XIRP2: variants seen among roughly 807,000 people sequenced by gnomAD.
XIRP2 encodes the protein xin actin-binding repeat-containing protein 2.
A neutral mutation model predicts 277.0 loss-of-function variants in XIRP2; 236 were observed. That is an observed-to-expected ratio of 0.85 (90% CI 0.77 to 0.95). XIRP2 has a LOEUF of 0.95. Ranked by LOEUF, XIRP2 falls within the 40% of genes least tolerant of loss-of-function variation. The pLI, the probability that XIRP2 is intolerant of heterozygous loss-of-function variation, is 0.00. For missense variants in XIRP2, 4,640 were observed against 4,157.5 expected, an observed-to-expected ratio of 1.12 and a Z score of -3.19; for synonymous variants, 1,490 against 1,416.5, an observed-to-expected ratio of 1.05 and a Z score of -1.17.
At chr2:166,967,996 G>T (rs1329453289) in intron 2 of XIRP2, among the ~76,000 whole-genome samples, 1 of 151,866 alleles carries the variant, frequency 6.6e-6, no homozygotes, top group Admixed American at 6.6e-5. Flanking sequence ...AGAAATAAGG[G>T]TAATCTGATG....
At chr2:167,076,465 A>G (rs1689575974) in intron 2 of XIRP2, among the ~76,000 whole-genome samples, 1 of 152,256 alleles carries the variant, frequency 6.6e-6, no homozygotes, top group South Asian at 2.1e-4. Flanking sequence ...AGAGGATAAG[A>G]AAATGAACTT....
At chr2:167,230,138 C>G (rs1247268857) in intron 5 of XIRP2, among the ~76,000 whole-genome samples, 1 of 152,034 alleles carries the variant, frequency 6.6e-6, no homozygotes, top group Non-Finnish European at 1.5e-5. Flanking sequence ...GATATTGGTA[C>G]AACATTCTGT....
In XIRP2 at chr2:167,246,873, A is replaced by C; in HGVS notation, c.5481A>C (p.Thr1827=). ...VKVFMTEPQS[T]FGKIPKEEII... is the part of the protein sequence containing the mutation. ...TTTTTATGACCGAGCCTCAGAGTAC[A>C]TTTGGTAAGATACCCAAAGAAGAGA... Residue 1827 remains threonine (T), a synonymous_variant, in exon 9 of 11, where the codon ACA becomes ACC. Coordinates refer to ENST00000409195, the MANE Select transcript of XIRP2 (RefSeq NM_152381.6). 1 of 1,613,730 alleles carries C rather than the reference A, an allele frequency of 6.2e-7. No homozygotes were observed. The highest frequency in any genetic ancestry group is 8.5e-7 in the Non-Finnish European group (1 of 1,179,816).
chr2:167,175,107 C>T (rs1435500870), intron 3 of XIRP2, among the ~76,000 whole-genome samples: 1 of 152,002 alleles, frequency 6.6e-6, no homozygotes, highest in African/African-American at 2.4e-5. Flanking sequence ...CTGCTTTGTC[C>T]AGAGCTGAGT....
chr2:167,031,459 G>A (rs959975175), intron 2 of XIRP2, among the ~76,000 whole-genome samples: 2 of 152,024 alleles, frequency 1.3e-5, no homozygotes, highest in Non-Finnish European at 2.9e-5. Flanking sequence ...ATGAAGCTTA[G>A]TTTCGCTGGA....
chr2:167,041,574 C>T (rs1408114602), intron 2 of XIRP2, among the ~76,000 whole-genome samples: 1 of 152,090 alleles, frequency 6.6e-6, no homozygotes, highest in Non-Finnish European at 1.5e-5. Context: ...AAGAAAGAAC[C>T]TCAGAGCTTA....
At chr2:167,222,753 T>A (rs1694469967) in intron 5 of XIRP2, among the ~76,000 whole-genome samples, 1 of 152,180 alleles carries the variant, frequency 6.6e-6, no homozygotes, top group African/African-American at 2.4e-5. Flanking sequence ...GAACAGATAT[T>A]AGAATAAATT....
intron 2 of XIRP2, among the ~76,000 whole-genome samples, chr2:167,077,395 A>C (rs1031917437): frequency 6.6e-6 from 1 of 152,064 alleles, no homozygotes; most frequent in African/African-American, 2.4e-5. Context: ...AGAACCTATT[A>C]TGTGGCAGCC....
chr2:167,013,209 G>A (rs1167103349), intron 2 of XIRP2, among the ~76,000 whole-genome samples: 2 of 151,058 alleles, frequency 1.3e-5, no homozygotes, highest in East Asian at 3.9e-4. Context: ...ACCTGTACAA[G>A]GACTTTCATG....
At chr2:166,982,340 G>A (rs185691461) in intron 2 of XIRP2, among the ~76,000 whole-genome samples, 48 of 145,554 alleles carry the variant, frequency 3.3e-4, no homozygotes, top group Non-Finnish European at 5.8e-4. Flanking sequence ...AAAAAAAACA[G>A]TCTGGGTTAA....
At chr2:166,934,204 A>AC (rs1261523322) in intron 2 of XIRP2, among the ~76,000 whole-genome samples, 6 of 150,770 alleles carry the variant, frequency 4.0e-5, no homozygotes, top group African/African-American at 1.5e-4. Context: ...GCAAAAAAAA[A>AC]AAAAAAAAAA....
At chr2:166,897,444 T>A (rs1236276356) in intron 1 of XIRP2, among the ~76,000 whole-genome samples, 1 of 152,068 alleles carries the variant, frequency 6.6e-6, no homozygotes, top group African/African-American at 2.4e-5. Flanking sequence ...TGAAAACATA[T>A]CACCGTGACC....
chr2:167,158,965 TG>T (rs1295537946), intron 3 of XIRP2, among the ~76,000 whole-genome samples: 1 of 151,964 alleles, frequency 6.6e-6, no homozygotes, highest in Non-Finnish European at 1.5e-5. Flanking sequence ...ACACTACCTC[TG>T]GGGGGTAGGA....
intron 2 of XIRP2, among the ~76,000 whole-genome samples, chr2:166,944,033 C>A (rs1430288948): frequency 6.6e-6 from 1 of 152,174 alleles, no homozygotes; most frequent in African/African-American, 2.4e-5. Flanking sequence ...GCAGCCTTTT[C>A]TCTTTGACCC....
intron 2 of XIRP2, among the ~76,000 whole-genome samples, chr2:167,027,748 TG>T (rs1416840122): frequency 1.3e-5 from 2 of 152,138 alleles, no homozygotes; most frequent in Non-Finnish European, 2.9e-5. Context: ...GCTGCAGGTC[TG>T]TTGGAGTTTG....
At chr2:167,026,781 C>T (rs1447010808) in intron 2 of XIRP2, among the ~76,000 whole-genome samples, 4 of 151,846 alleles carry the variant, frequency 2.6e-5, no homozygotes, top group Non-Finnish European at 4.4e-5. Context: ...TGAATGTTGG[C>T]CCCCACTCTC....
intron 3 of XIRP2, among the ~76,000 whole-genome samples, chr2:167,195,332 G>A (rs149933870): frequency 2.6e-5 from 4 of 152,166 alleles, no homozygotes; most frequent in East Asian, 1.9e-4. Context: ...AAGGCTACTC[G>A]CAGCCACATT....
At position 167,247,864 on chromosome 2, in the gene XIRP2, A is replaced by C. The variant is rs1041288393; in HGVS notation, c.6472A>C (p.Ser2158Arg). The change falls in exon 9 of 11, where the codon AGC (serine) becomes CGC (arginine). Residue 2158 changes from serine (S) to arginine (R), a missense_variant. Transcript: ENST00000409195. ...KNIKILTDTQ[S>R]SKPSPTQHPV... ...TATTAAAATATTAACTGATACACAA[A>C]GCTCCAAGCCCAGTCCCACCCAGCA... 1 of 1,613,614 alleles carries C rather than the reference A, an allele frequency of 6.2e-7. No homozygotes were observed. The highest frequency in any genetic ancestry group is 1.3e-5 in the African/African-American group (1 of 74,996).
chr2:167,244,651 G>A lies in XIRP2; in HGVS notation c.3259G>A (p.Val1087Ile), dbSNP rs1184272134. ...TAAAACTGAACAAACTAGAGATATT[G>A]TTAAAGGGGATGTCAAAACCTGTAA... is the stretch of plus-strand genomic sequence containing the variant. ...ESKTEQTRDI[V>I]KGDVKTCKWL... is the part of the protein sequence containing the mutation. The change falls in exon 9 of 11, where the codon GTT (valine) becomes ATT (isoleucine). Residue 1087 changes from valine to isoleucine, a missense_variant. Transcript: ENST00000409195. The A allele has an allele frequency of 2.5e-6, 4 of 1,613,300 alleles. No homozygotes were observed. The African/African-American group carries it at 4.0e-5, about 16-fold the overall frequency.
Sources: allele counts gnomAD v4.1 joint callset (sites outside exome capture counted in the v4.1 genomes callset), GRCh38; gene constraint gnomAD v4.1.1; transcripts MANE v1.5; gene names NCBI Gene and HGNC (gene_info 2026-07-23, HGNC 2026-07-21).